CACNA1S: variants seen among roughly 807,000 people sequenced by gnomAD.
The protein encoded by CACNA1S is calcium voltage-gated channel subunit alpha1 S, also known as voltage-dependent L-type calcium channel subunit alpha-1S.
Under a neutral mutation model 207.4 loss-of-function variants are expected in CACNA1S, and 126 were observed. The ratio of observed to expected loss-of-function variants is 0.61; its 90% CI spans 0.53 to 0.70. The LOEUF (loss-of-function observed/expected upper bound fraction) is 0.70, where lower values mean the gene tolerates loss of function less well. Ranked by LOEUF, CACNA1S falls within the 30% of genes least tolerant of loss-of-function variation. The pLI is 0.00. For synonymous variants in CACNA1S, 960 were observed against 932.7 expected (o/e 1.03, Z -0.53); for missense variants, 2,349 against 2,422.8 (o/e 0.97, Z 0.64).
intron 7 of CACNA1S, among the ~76,000 whole-genome samples, chr1:201,087,380 T>A (rs765312351): frequency 6.6e-6 from 1 of 152,150 alleles, no homozygotes; most frequent in Non-Finnish European, 1.5e-5. Flanking sequence ...CCAGAGTCTG[T>A]GTGCTTAACC....
At chr1:201,057,756 C>T (rs1466354366) in intron 28 of CACNA1S, among the ~76,000 whole-genome samples, 6 of 152,272 alleles carry the variant, frequency 3.9e-5, no homozygotes, top group Admixed American at 3.9e-4. Flanking sequence ...GAGCCCAGGA[C>T]TTGGAGACCA....
At chr1:201,043,188 A>C in intron 40 of CACNA1S, 93 bp downstream of exon 40, 1 of 1,547,646 alleles carries the variant, frequency 6.5e-7, no homozygotes, top group Admixed American at 1.7e-5. Context: ...ACACCCTACA[A>C]ATTTGGGGTA....
rs745684726 is a variant in CACNA1S at position 201,053,700 on chromosome 1, G to T, written c.3667-113C>A. The T allele has an allele frequency of 1.2e-5, 13 of 1,119,710 alleles. No individual in the cohort carries two copies. The highest frequency in any genetic ancestry group is 1.7e-5 in the Non-Finnish European group (13 of 781,000). 69.4% of individuals were successfully genotyped at this position (1,119,710 alleles called of 1,614,324 possible). ...TTTGGGGAGATGTTTGTGGCATGGA[G>T]GAACTCCAGCCCCGCCTCTGGCCCC... On this transcript the variant is annotated intron_variant, in intron 29 of 43. Transcript: ENST00000362061. The surrounding 1 kb of genome is among the most constrained non-coding windows in gnomAD (Gnocchi z 5.1).
Position 201,070,306 on chromosome 1 carries a change from C to T in CACNA1S, c.2326G>A (p.Ala776Thr). ...GGGCTGAAGATGAAGAAGGAGCTGG[C>T]TTCTGGAATGGGCACGGCCTTCTCT... The part of the protein sequence containing the change: ...LKEKAVPIPE[A>T]SSFFIFSPTN... The change falls in exon 17 of 44, where the codon GCC (alanine) becomes ACC (threonine). Residue 776 changes from alanine to threonine, a missense_variant. Physicochemically the swap from Ala to Thr is moderately conservative, Grantham distance 58. Transcript: ENST00000362061. 1 of 1,614,078 alleles carries T rather than the reference C, an allele frequency of 6.2e-7. No homozygotes were observed. The highest frequency in any genetic ancestry group is 1.1e-5 in the South Asian group (1 of 91,084).
chr1:201,111,934 T>TCCTCCTCCTCCCCCCCCCTCCTCCTCTG (rs1663122219), intron 1 of CACNA1S, among the ~76,000 whole-genome samples: 1 of 144,102 alleles, frequency 6.9e-6, no homozygotes, highest in Non-Finnish European at 1.5e-5. Context: ...CTCCTCCTCT[T>TCCTCCTCCTCCCCCCCCCTCCTCCTCTG]CCTCCTCCTC....
In CACNA1S at chr1:201,042,138, T is replaced by C. The variant is rs563214256; in HGVS notation, c.5049-549A>G. Reference sequence around the variant, plus strand: ...TGGTGTTTTTTGTTTATTTGTTTTGTTTTGTTTTGTTTTTTTGAGACGGAG... The same window carrying C: ...TGGTGTTTTTTGTTTATTTGTTTTGCTTTGTTTTGTTTTTTTGAGACGGAG... On this transcript the variant is annotated intron_variant, in intron 40 of 43. Transcript: ENST00000362061. Among the ~76,000 whole-genome samples, 6 of 152,314 alleles carry C rather than the reference T, an allele frequency of 3.9e-5. No homozygotes were observed. In the South Asian group the frequency reaches 1.2e-3, roughly 32 times the overall value.
chr1:201,060,741 C>T lies in CACNA1S; in HGVS notation c.3331G>A (p.Val1111Met), dbSNP rs200558548. ...TAGGAGGAGGTGACAATGTACCACA[C>T]CTGGTACTGGTATGGGTTTTTGGGA... ...YIPKNPYQYQ[V>M]WYIVTSSYFE... Residue 1111 changes from valine (V) to methionine (M), a missense_variant, in exon 26 of 44, where the codon GTG becomes ATG. By Grantham distance (21) the Val-to-Met change is conservative. Transcript: ENST00000362061. 72 of 1,614,110 alleles carry T rather than the reference C, an allele frequency of 4.5e-5. 2 individuals are homozygous for T. The Admixed American group carries it at 1.2e-3, about 27-fold the overall frequency.
intron 5 of CACNA1S, among the ~76,000 whole-genome samples, chr1:201,091,344 C>T (rs1484907919): frequency 6.6e-6 from 1 of 152,214 alleles, no homozygotes; most frequent in Non-Finnish European, 1.5e-5. Flanking sequence ...ATGCCTATGT[C>T]TCCATCTACC....
rs540880412 is a variant in CACNA1S at position 201,053,969 on chromosome 1, C to T, written c.3667-382G>A. Reference sequence around the variant, plus strand: ...GAGGACCCTGGTGGCCCTCCTAGGGCTCCTCCCCTGGCGTCCTCCCAGTGC... The same window carrying T: ...GAGGACCCTGGTGGCCCTCCTAGGGTTCCTCCCCTGGCGTCCTCCCAGTGC... On this transcript the variant is annotated intron_variant, in intron 29 of 43. Coordinates refer to ENST00000362061, the MANE Select transcript of CACNA1S (RefSeq NM_000069.3). The surrounding 1 kb of genome is among the most constrained non-coding windows in gnomAD (Gnocchi z 5.1). Among the ~76,000 whole-genome samples, 80 of 152,254 alleles carry T rather than the reference C, an allele frequency of 5.3e-4. No homozygotes were observed. Among genetic ancestry groups the T allele is most frequent in the Non-Finnish European group, 8.5e-4 (58 of 67,984 alleles).
At chr1:201,072,967 C>G (rs1572045319) in intron 15 of CACNA1S, 143 bp from the exon 16 acceptor site, 1 of 776,798 alleles carries the variant, frequency 1.3e-6, no homozygotes, top group Non-Finnish European at 2.3e-6. Flanking sequence ...ATGATCATCC[C>G]CATTTTACAA....
intron 34 of CACNA1S, among the ~76,000 whole-genome samples, chr1:201,049,372 C>T (rs1660577420): frequency 6.6e-6 from 1 of 152,200 alleles, no homozygotes; most frequent in South Asian, 2.1e-4. Context: ...GAATCCAGAC[C>T]TCATTTTCCC....
chr1:201,043,048 C>A (rs576609389), intron 40 of CACNA1S: 5 of 523,056 alleles, frequency 9.6e-6, no homozygotes, highest in South Asian at 4.1e-5. Context: ...AATAAAAGAA[C>A]CTCTCAACAC....
chr1:201,043,663 G>T, intron 39 of CACNA1S, 132 bp from the exon 40 acceptor site: 1 of 802,842 alleles, frequency 1.2e-6, no homozygotes, highest in South Asian at 1.6e-5. Context: ...AAAGGAGGAT[G>T]GACTGAGTGG....
intron 25 of CACNA1S, 108 bp from the exon 26 acceptor site, chr1:201,060,924 G>T (rs1440030166): frequency 1.4e-6 from 2 of 1,379,660 alleles, no homozygotes; most frequent in African/African-American, 1.4e-5. Flanking sequence ...GTGGCCAGGG[G>T]CTGTGGCTGA....
At position 201,074,584 on chromosome 1, in the gene CACNA1S, T is replaced by A; in HGVS notation, c.1985A>T (p.Asp662Val). 6.2e-7 allele frequency: 1 copy of A among 1,613,896 alleles called. No individual in the cohort carries two copies. Among genetic ancestry groups the A allele is most frequent in the Non-Finnish European group, 8.5e-7 (1 of 1,179,834 alleles). ...CAGGCTCTCCGCCTCGGCCAGGTTG[T>A]CCACGGCAATGGCCAGGAAGACATT... Reference protein sequence around the residue: ...LLNVFLAIAVDNLAEAESLTS... With the variant: ...LLNVFLAIAVVNLAEAESLTS... The change falls in exon 14 of 44, where the codon GAC becomes GTC. Residue 662 changes from aspartate (D) to valine (V), a missense_variant. By Grantham distance (152) the Asp-to-Val change is radical (BLOSUM62 -3). Coordinates refer to ENST00000362061, the MANE Select transcript of CACNA1S (RefSeq NM_000069.3).
chr1:201,058,318 T>C (rs1660920517), intron 28 of CACNA1S, 90 bp downstream of exon 28: 1 of 1,101,244 alleles, frequency 9.1e-7, no homozygotes, highest in Non-Finnish European at 1.4e-6. Flanking sequence ...TTCCATGTTG[T>C]ACACACAGTG....
At chr1:201,112,036 C>T in intron 1 of CACNA1S, 152 bp downstream of exon 1, 1 of 536,220 alleles carries the variant, frequency 1.9e-6, no homozygotes. Flanking sequence ...AGGGCTCCTT[C>T]CCCCAGCTCC....
intron 1 of CACNA1S, among the ~76,000 whole-genome samples, chr1:201,111,167 A>G (rs1663087554): frequency 6.6e-6 from 1 of 151,982 alleles, no homozygotes; most frequent in Non-Finnish European, 1.5e-5. Context: ...GATGTGGGCG[A>G]TATACCGCCT....
chr1:201,040,116 C>A, intron 43 of CACNA1S, 34 bp from the exon 44 acceptor site: 3 of 1,613,044 alleles, frequency 1.9e-6, no homozygotes, highest in Non-Finnish European at 2.5e-6. Flanking sequence ...GTGGGGTCTT[C>A]CTGGGGAGCC....
Sources: gnomAD v4.1 joint callset for allele counts (sites outside exome capture counted in the v4.1 genomes callset) on GRCh38, gnomAD v4.1.1 for gene constraint, Gnocchi (gnomAD v3.1) non-coding constraint, MANE v1.5 for transcripts, NCBI Gene and HGNC (gene_info 2026-07-23, HGNC 2026-07-21) for gene names.